The following OPCML variants were observed in gnomAD, a reference collection of about 807,000 sequenced individuals.
The protein encoded by OPCML is opioid binding protein/cell adhesion molecule like, also known as opioid-binding protein/cell adhesion molecule.
OPCML carries 13 observed loss-of-function variants against 37.8 expected under a neutral mutation model. That is an observed-to-expected ratio of 0.34 (90% CI 0.22 to 0.55). The LOEUF (loss-of-function observed/expected upper bound fraction) is 0.55. OPCML is among the 20% of genes least tolerant of loss of function. OPCML has a pLI of 0.91. For synonymous variants in OPCML, 176 were observed against 168.8 expected (o/e 1.04, Z -0.33); for missense variants, 341 against 435.6 (o/e 0.78, Z 1.93).
At chr11:132,757,658 T>G (rs949206831) in intron 2 of OPCML, among the ~76,000 whole-genome samples, 1 of 152,236 alleles carries the variant, frequency 6.6e-6, no homozygotes, top group African/African-American at 2.4e-5. Flanking sequence ...GTTTTTTTCT[T>G]GTAAAATTGT....
intron 1 of OPCML, among the ~76,000 whole-genome samples, chr11:133,013,189 G>T (rs987065233): frequency 1.3e-5 from 2 of 152,204 alleles, no homozygotes; most frequent in Non-Finnish European, 2.9e-5. Context: ...GTTTTACAGA[G>T]AAAAAGGCAG....
At chr11:133,515,866 C>T (rs925342714) in intron 1 of OPCML, among the ~76,000 whole-genome samples, 26 of 150,928 alleles carry the variant, frequency 1.7e-4, no homozygotes, top group Non-Finnish European at 2.9e-4. Flanking sequence ...AAAGTTTCTA[C>T]TGATCTTAAA....
At chr11:133,051,188 A>G (rs1948124635) in intron 1 of OPCML, among the ~76,000 whole-genome samples, 1 of 152,222 alleles carries the variant, frequency 6.6e-6, no homozygotes, top group Non-Finnish European at 1.5e-5. Context: ...CGGACTAATA[A>G]CAATGGAAAC....
rs142755264 is a variant in OPCML, at chr11:133,100,122, G to A, written c.62-157112C>T. Among the ~76,000 whole-genome samples, 261 of 152,264 alleles carry A rather than the reference G, an allele frequency of 1.7e-3. 2 individuals carry two copies. The highest frequency in any genetic ancestry group is 0.015 in the South Asian group (72 of 4,820). On this transcript the variant is annotated intron_variant, in intron 1 of 7. Transcript: ENST00000524381. ...CTTATAAGTGGGAACTAAACACTGA[G>A]TACACATGGGGACAAAGATGGGACG...
chr11:132,463,905 G>A (rs1482087683), intron 4 of OPCML, among the ~76,000 whole-genome samples: 1 of 152,190 alleles, frequency 6.6e-6, no homozygotes, highest in Non-Finnish European at 1.5e-5. Flanking sequence ...ACACAGCTCA[G>A]ACACAGTACA....
At chr11:133,453,864 A>T (rs1219110089) in intron 1 of OPCML, among the ~76,000 whole-genome samples, 1 of 152,248 alleles carries the variant, frequency 6.6e-6, no homozygotes, top group Non-Finnish European at 1.5e-5. Context: ...GACAGAGCCT[A>T]CATATGAACT....
intron 1 of OPCML, among the ~76,000 whole-genome samples, chr11:133,061,964 G>A (rs1382723917): frequency 6.6e-6 from 1 of 152,110 alleles, no homozygotes; most frequent in Non-Finnish European, 1.5e-5. Context: ...CCATTGGATG[G>A]GGGCATAGGG....
chr11:132,816,964 G>A (rs921539232), intron 2 of OPCML, among the ~76,000 whole-genome samples: 6 of 152,244 alleles, frequency 3.9e-5, no homozygotes, highest in South Asian at 2.1e-4. Flanking sequence ...TCAGAAAGGC[G>A]TTTCTGTGCT....
At chr11:132,584,482 G>C (rs1363208042) in intron 3 of OPCML, among the ~76,000 whole-genome samples, 1 of 152,070 alleles carries the variant, frequency 6.6e-6, no homozygotes, top group Admixed American at 6.6e-5. Flanking sequence ...AGTGATCAAT[G>C]AGTTAATACT....
chr11:132,607,344 A>T (rs1465975448), intron 3 of OPCML, among the ~76,000 whole-genome samples: 2 of 152,212 alleles, frequency 1.3e-5, no homozygotes, highest in South Asian at 4.1e-4. Flanking sequence ...GAGATAATCT[A>T]TAACTGGACT....
intron 2 of OPCML, among the ~76,000 whole-genome samples, chr11:132,805,988 A>G (rs1281742811): frequency 6.6e-6 from 1 of 152,200 alleles, no homozygotes. Context: ...AAACAAGGAC[A>G]GGTAAACATA....
At chr11:132,474,007 A>G (rs2096146527) in intron 4 of OPCML, among the ~76,000 whole-genome samples, 1 of 152,154 alleles carries the variant, frequency 6.6e-6, no homozygotes, top group Non-Finnish European at 1.5e-5. Flanking sequence ...TCAGGTATGT[A>G]GCTGAGCCAT....
In OPCML at chr11:132,599,839, T is replaced by C. The variant is rs141834815; in HGVS notation, c.379+57248A>G. Among the ~76,000 whole-genome samples the C allele has an allele frequency of 3.7e-3, 565 of 152,334 alleles. 7 individuals carry two copies. Among genetic ancestry groups the C allele is most frequent in the African/African-American group, 0.013 (530 of 41,592 alleles). On this transcript the variant is annotated intron_variant, in intron 3 of 7. Transcript: ENST00000524381. ...CTGCAGTATAATATTCACAGTGAAA[T>C]TGAGCCATAGTATATGCAAACATTT...
intron 1 of OPCML, among the ~76,000 whole-genome samples, chr11:133,408,518 T>C (rs144596491): frequency 7.9e-5 from 12 of 152,358 alleles, no homozygotes; most frequent in African/African-American, 2.4e-4. Context: ...CATTCATTCA[T>C]TTTCCAACCC....
rs117948865 is a variant in OPCML, at chr11:132,752,477, T to C, written c.147-95158A>G. ...AAATATATTTACACTGTAAATTGTT[T>C]GTTGAGGAGCCTTGGAGAGAAATGC... On this transcript the variant is annotated intron_variant, in intron 2 of 7. Transcript: ENST00000524381. 9.6e-3 allele frequency among the ~76,000 whole-genome samples: 1,459 copies of C among 152,240 alleles called. 11 individuals carry two copies. Among genetic ancestry groups the C allele is most frequent in the South Asian group, 0.016 (77 of 4,818 alleles).
At chr11:132,766,791 A>G (rs1196823897) in intron 2 of OPCML, among the ~76,000 whole-genome samples, 2 of 152,210 alleles carry the variant, frequency 1.3e-5, no homozygotes, top group African/African-American at 4.8e-5. Flanking sequence ...CTGGTACCAG[A>G]TCCAAGATGG....
At chr11:132,861,040 T>A (rs1591715938) in intron 2 of OPCML, among the ~76,000 whole-genome samples, 1 of 152,372 alleles carries the variant, frequency 6.6e-6, no homozygotes, top group Non-Finnish European at 1.5e-5. Context: ...TTGCAGATAT[T>A]TTAATTCACT....
At chr11:132,741,680 T>C (rs1389198133) in intron 2 of OPCML, among the ~76,000 whole-genome samples, 2 of 152,182 alleles carry the variant, frequency 1.3e-5, no homozygotes, top group East Asian at 3.8e-4. Context: ...ATTGGCATTG[T>C]TCTAAATATA....
At chr11:132,522,097 C>A (rs933383009) in intron 4 of OPCML, among the ~76,000 whole-genome samples, 1 of 152,196 alleles carries the variant, frequency 6.6e-6, no homozygotes, top group Non-Finnish European at 1.5e-5. Flanking sequence ...CCTTTTGAGA[C>A]CAACTCTTCT....
Sources: allele counts gnomAD v4.1 joint callset (sites outside exome capture counted in the v4.1 genomes callset), GRCh38; gene constraint gnomAD v4.1.1; transcripts MANE v1.5; gene names NCBI Gene and HGNC (gene_info 2026-07-23, HGNC 2026-07-21).